HAPLN1: variants seen among roughly 807,000 people sequenced by gnomAD.
HAPLN1 encodes the protein hyaluronan and proteoglycan link protein 1, also known as Cartilage link protein.
In HAPLN1, 13 loss-of-function variants were observed where a neutral mutation model predicts 36.5. The observed-to-expected ratio is 0.36, with a 90% CI of 0.23 to 0.57. HAPLN1 has a LOEUF of 0.57. Among genes scored for constraint, HAPLN1 ranks in the 20% least tolerant of loss-of-function variants. The pLI is 0.83. For missense variants in HAPLN1, 407 were observed against 439.7 expected (o/e 0.93, Z 0.66); for synonymous variants, 202 against 169.8 (o/e 1.19, Z -1.48).
intron 4 of HAPLN1, among the ~76,000 whole-genome samples, chr5:83,642,498 T>C (rs560433144): frequency 2.0e-5 from 3 of 152,332 alleles, no homozygotes; most frequent in South Asian, 2.1e-4. Flanking sequence ...CGATCACTTA[T>C]TGAATAGTGT....
chr5:83,695,769 TCCTC>T (rs1184320410), intron 1 of HAPLN1, among the ~76,000 whole-genome samples: 1 of 151,404 alleles, frequency 6.6e-6, no homozygotes, highest in African/African-American at 2.4e-5. Context: ...AAAAGGAACT[TCCTC>T]AATCTGATAA....
At position 83,717,971 on chromosome 5, in the gene HAPLN1, A is replaced by C. The variant is rs575599891; in HGVS notation, c.-27+2818T>G. 4.1e-4 allele frequency among the ~76,000 whole-genome samples: 62 copies of C among 152,302 alleles called. No individual in the cohort carries two copies. In the Middle Eastern group the frequency reaches 0.017, roughly 42 times the overall value. The stretch of plus-strand genomic sequence containing the variant: ...GTGGTAACCTTTTAAGCTAGTAGTT[A>C]TTTTCCCAACTAAATTCAGTAACAT... On this transcript the variant is annotated intron_variant, in intron 1 of 4. Coordinates refer to ENST00000274341, the MANE Select transcript of HAPLN1 (RefSeq NM_001884.4).
At chr5:83,679,220 A>G (rs557521465) in intron 1 of HAPLN1, among the ~76,000 whole-genome samples, 3 of 152,140 alleles carry the variant, frequency 2.0e-5, no homozygotes, top group Non-Finnish European at 4.4e-5. Context: ...TGCTTTTTGG[A>G]GTATCACTTA....
At chr5:83,683,443 A>G (rs549482384) in intron 1 of HAPLN1, among the ~76,000 whole-genome samples, 3 of 152,364 alleles carry the variant, frequency 2.0e-5, no homozygotes, top group Admixed American at 6.5e-5. Context: ...TCTCTCTTCC[A>G]TAATTTTCAC....
At chr5:83,708,881 CTTTTT>C (rs1295438662) in intron 1 of HAPLN1, among the ~76,000 whole-genome samples, 2 of 151,904 alleles carry the variant, frequency 1.3e-5, no homozygotes, top group Non-Finnish European at 2.9e-5. Flanking sequence ...CTTTTCTTTT[CTTTTT>C]TTCTGTTTTT....
At chr5:83,671,275 A>T (rs1345092517) in intron 2 of HAPLN1, among the ~76,000 whole-genome samples, 1 of 152,188 alleles carries the variant, frequency 6.6e-6, no homozygotes, top group Non-Finnish European at 1.5e-5. Context: ...GAGAGTAATG[A>T]TATTTTTACA....
At chr5:83,709,349 A>C (rs960561543) in intron 1 of HAPLN1, among the ~76,000 whole-genome samples, 5 of 152,220 alleles carry the variant, frequency 3.3e-5, no homozygotes, top group African/African-American at 1.2e-4. Flanking sequence ...CATATTAATC[A>C]CATAAAGCCT....
At position 83,703,956 on chromosome 5, in the gene HAPLN1, G is replaced by A. The variant is rs775552176; in HGVS notation, c.-27+16833C>T. ...AAAGACACATGATCATCAGATTTTC[G>A]AAGATTAAAATGAAAAAAAAAGAAT... is the stretch of plus-strand genomic sequence containing the variant. On this transcript the variant is annotated intron_variant, in intron 1 of 4. Transcript: ENST00000274341. Among the ~76,000 whole-genome samples, 5 of 150,174 alleles carry A rather than the reference G, an allele frequency of 3.3e-5. No homozygotes were observed. The South Asian group carries it at 6.3e-4, about 19-fold the overall frequency.
chr5:83,659,425 AT>A (rs1187474536), intron 2 of HAPLN1, among the ~76,000 whole-genome samples: 2 of 152,200 alleles, frequency 1.3e-5, no homozygotes, highest in Non-Finnish European at 1.5e-5. Flanking sequence ...CATAAAGTAT[AT>A]CTGAAAGTAT....
intron 2 of HAPLN1, among the ~76,000 whole-genome samples, chr5:83,660,260 T>C (rs1315044912): frequency 1.3e-5 from 2 of 152,156 alleles, no homozygotes; most frequent in African/African-American, 4.8e-5. Flanking sequence ...TATAGTACTG[T>C]TTTGAGTGAT....
intron 1 of HAPLN1, among the ~76,000 whole-genome samples, chr5:83,705,756 A>T (rs1035211838): frequency 6.6e-6 from 1 of 152,204 alleles, no homozygotes; most frequent in Non-Finnish European, 1.5e-5. Context: ...GAAACACAGA[A>T]AAACACTCAA....
intron 2 of HAPLN1, among the ~76,000 whole-genome samples, chr5:83,668,114 T>A (rs1750605698): frequency 6.6e-6 from 1 of 152,230 alleles, no homozygotes; most frequent in Non-Finnish European, 1.5e-5. Flanking sequence ...TCACCTACTA[T>A]GTGCCAGTTG....
At chr5:83,707,248 G>A (rs775180670) in intron 1 of HAPLN1, among the ~76,000 whole-genome samples, 6 of 152,082 alleles carry the variant, frequency 3.9e-5, no homozygotes, top group Non-Finnish European at 5.9e-5. Context: ...AAATTCATAT[G>A]GAACCACAAA....
intron 1 of HAPLN1, among the ~76,000 whole-genome samples, chr5:83,678,220 G>GGGGT (rs1554049526): frequency 1.3e-4 from 18 of 142,640 alleles, no homozygotes; most frequent in African/African-American, 4.3e-4. Flanking sequence ...CTATAGTTTG[G>GGGGT]GTGTGTGTGT....
At chr5:83,709,393 T>A (rs183516137) in intron 1 of HAPLN1, among the ~76,000 whole-genome samples, 121 of 152,330 alleles carry the variant, frequency 7.9e-4, no homozygotes, top group African/African-American at 2.8e-3. Flanking sequence ...CATCTCCTAT[T>A]GGTCTATTTC....
chr5:83,653,917 C>T (rs1012217087), intron 2 of HAPLN1, among the ~76,000 whole-genome samples: 4 of 152,360 alleles, frequency 2.6e-5, no homozygotes, highest in Admixed American at 1.3e-4. Flanking sequence ...CTCCTGGATA[C>T]GGATATCTTT....
At chr5:83,681,995 G>A (rs1197643391) in intron 1 of HAPLN1, among the ~76,000 whole-genome samples, 1 of 152,044 alleles carries the variant, frequency 6.6e-6, no homozygotes, top group Non-Finnish European at 1.5e-5. Context: ...TAGCACTAGG[G>A]TTTATATGGG....
intron 1 of HAPLN1, among the ~76,000 whole-genome samples, chr5:83,682,042 C>T (rs1051105199): frequency 1.4e-4 from 22 of 152,088 alleles, no homozygotes; most frequent in African/African-American, 5.3e-4. Context: ...CAACTAAATG[C>T]ATTTGAAATT....
At chr5:83,681,329 C>T (rs967198308) in intron 1 of HAPLN1, among the ~76,000 whole-genome samples, 4 of 151,892 alleles carry the variant, frequency 2.6e-5, no homozygotes, top group Non-Finnish European at 5.9e-5. Flanking sequence ...ATCAGAAGGC[C>T]CCTTGTAACC....
Sources: allele counts gnomAD v4.1 joint callset (sites outside exome capture counted in the v4.1 genomes callset), GRCh38; gene constraint gnomAD v4.1.1; transcripts MANE v1.5; gene names NCBI Gene and HGNC (gene_info 2026-07-23, HGNC 2026-07-21).